The following KIF16B variants were observed in gnomAD, a reference collection of about 807,000 sequenced individuals.
The protein encoded by KIF16B is kinesin family member 16B, also known as kinesin-like protein KIF16B.
In KIF16B, 98 loss-of-function variants were observed where a neutral mutation model predicts 156.3. The observed-to-expected ratio is 0.63, with a 90% CI of 0.53 to 0.74. The LOEUF is 0.74. Among genes scored for constraint, KIF16B ranks in the 30% least tolerant of loss-of-function variants. The pLI, the probability that KIF16B is intolerant of heterozygous loss-of-function variation, is 0.00. For synonymous variants in KIF16B, 564 were observed against 583.7 expected, an observed-to-expected ratio of 0.97 and a Z score of 0.49; for missense variants, 1,421 against 1,606.5, an observed-to-expected ratio of 0.88 and a Z score of 1.97.
At chr20:16,415,173 C>T (rs1484107893) in intron 15 of KIF16B, among the ~76,000 whole-genome samples, 1 of 152,118 alleles carries the variant, frequency 6.6e-6, no homozygotes, top group African/African-American at 2.4e-5. Context: ...CAATTCAAGA[C>T]AGTGTATAGT....
At chr20:16,365,727 A>T (rs573745967) in intron 22 of KIF16B, among the ~76,000 whole-genome samples, 1 of 152,346 alleles carries the variant, frequency 6.6e-6, no homozygotes, top group Admixed American at 6.5e-5. Flanking sequence ...CTTTGACACC[A>T]TCTCCGTCAT....
At chr20:16,447,382 C>T (rs1315742235) in intron 12 of KIF16B, among the ~76,000 whole-genome samples, 5 of 151,808 alleles carry the variant, frequency 3.3e-5, no homozygotes, top group Admixed American at 6.6e-5. Context: ...CTCTGCAGAT[C>T]GTGGGGCGTG....
intron 23 of KIF16B, among the ~76,000 whole-genome samples, chr20:16,350,791 C>G (rs1465606793): frequency 6.6e-6 from 1 of 151,688 alleles, no homozygotes; most frequent in Non-Finnish European, 1.5e-5. Flanking sequence ...AAGCGCCAGA[C>G]AGGCTGTGCC....
intron 22 of KIF16B, chr20:16,368,222 T>C (rs2064725343): frequency 9.9e-7 from 1 of 1,014,382 alleles, no homozygotes; most frequent in African/African-American, 1.7e-5. Context: ...GAGCTCTTTC[T>C]AGCATCTTCA....
chr20:16,294,828 G>A (rs2063360635), intron 25 of KIF16B, among the ~76,000 whole-genome samples: 1 of 152,050 alleles, frequency 6.6e-6, no homozygotes, highest in Non-Finnish European at 1.5e-5. Context: ...AGCCATAAAT[G>A]GGCACCCTTC....
chr20:16,313,829 A>C (rs1028322332), intron 24 of KIF16B, among the ~76,000 whole-genome samples: 9 of 152,244 alleles, frequency 5.9e-5, no homozygotes, highest in African/African-American at 2.2e-4. Flanking sequence ...GTATTTGTTC[A>C]TTATCTTGCT....
At chr20:16,316,805 G>T (rs921276540) in intron 24 of KIF16B, among the ~76,000 whole-genome samples, 1 of 152,130 alleles carries the variant, frequency 6.6e-6, no homozygotes, top group Non-Finnish European at 1.5e-5. Context: ...AAGTGTAAAT[G>T]ATTTGAACTG....
intron 22 of KIF16B, among the ~76,000 whole-genome samples, chr20:16,359,666 A>C (rs999730957): frequency 3.2e-4 from 49 of 152,146 alleles, no homozygotes; most frequent in African/African-American, 1.1e-3. Context: ...AAAAAAAAAA[A>C]AAAAAAAACC....
intron 22 of KIF16B, chr20:16,367,852 C>T: frequency 6.3e-7 from 1 of 1,593,252 alleles, no homozygotes; most frequent in South Asian, 1.1e-5. Flanking sequence ...TTTGTTGTAA[C>T]TGAATACAGT....
chr20:16,346,410 A>G (rs2144884), intron 23 of KIF16B, among the ~76,000 whole-genome samples: 83,651 of 151,966 alleles, frequency 0.55, 23,688 homozygotes, highest in East Asian at 0.94. Flanking sequence ...TTTCTATGCA[A>G]ATGCATCACC....
intron 12 of KIF16B, among the ~76,000 whole-genome samples, chr20:16,468,874 A>G (rs558553872): frequency 6.6e-6 from 1 of 152,182 alleles, no homozygotes; most frequent in Non-Finnish European, 1.5e-5. Flanking sequence ...ACTTCATCCA[A>G]CAACAGCAAA....
intron 23 of KIF16B, among the ~76,000 whole-genome samples, chr20:16,352,915 G>T (rs768167293): frequency 6.6e-6 from 1 of 152,208 alleles, no homozygotes; most frequent in Non-Finnish European, 1.5e-5. Context: ...ACAGCAAACA[G>T]GGGTCTTATA....
At chr20:16,437,440 T>C (rs1022227146) in intron 12 of KIF16B, among the ~76,000 whole-genome samples, 2 of 152,190 alleles carry the variant, frequency 1.3e-5, no homozygotes, top group Non-Finnish European at 2.9e-5. Flanking sequence ...AATTGGTTGC[T>C]ACTTCATCAG....
chr20:16,510,542 G>A (rs1600582906), intron 6 of KIF16B, among the ~76,000 whole-genome samples: 2 of 152,140 alleles, frequency 1.3e-5, no homozygotes, highest in East Asian at 1.9e-4. Context: ...CCCTGCTACT[G>A]GGGAGGCTGA....
At chr20:16,381,558 T>G in intron 18 of KIF16B, 136 bp downstream of exon 18, 1 of 490,106 alleles carries the variant, frequency 2.0e-6, no homozygotes, top group Non-Finnish European at 3.4e-6. Flanking sequence ...CTGCAGTCAT[T>G]AGACATGTAA....
chr20:16,478,355 G>T (rs1440584567), intron 12 of KIF16B, among the ~76,000 whole-genome samples: 1 of 152,122 alleles, frequency 6.6e-6, no homozygotes. Context: ...AGGGCAGGTG[G>T]GAATGCAAAT....
rs557727384 is a variant in KIF16B at position 16,564,062 on chromosome 20, A to G, written c.47+9167T>C. The stretch of plus-strand genomic sequence containing the variant: ...GTTTTCTTTTTCTCTTCTTCAAAAC[A>G]AAAAGAGACAAACAAAAAAATCTGT... On this transcript the variant is annotated intron_variant, in intron 1 of 25. Transcript: ENST00000354981. 4.6e-5 allele frequency among the ~76,000 whole-genome samples: 7 copies of G among 152,196 alleles called. No individual in the cohort carries two copies. The South Asian group carries it at 1.2e-3, about 27-fold the overall frequency.
intron 17 of KIF16B, chr20:16,382,198 T>A: frequency 9.7e-7 from 1 of 1,033,046 alleles, no homozygotes; most frequent in Non-Finnish European, 1.3e-6. Context: ...GGAAAGCATT[T>A]AATAGGAAGG....
chr20:16,544,201 T>C (rs2070312143), intron 1 of KIF16B, among the ~76,000 whole-genome samples: 1 of 152,170 alleles, frequency 6.6e-6, no homozygotes, highest in South Asian at 2.1e-4. Flanking sequence ...AAACTGTTCC[T>C]TCTTGCAGGT....
Sources: gnomAD v4.1 joint callset for allele counts (sites outside exome capture counted in the v4.1 genomes callset) on GRCh38, gnomAD v4.1.1 for gene constraint, MANE v1.5 for transcripts, NCBI Gene and HGNC (gene_info 2026-07-23, HGNC 2026-07-21) for gene names.